The following CRAMP1 variants were observed in gnomAD, a reference collection of about 807,000 sequenced individuals.
CRAMP1 encodes cramped chromatin regulator 1, also known as protein cramped-like.
A neutral mutation model predicts 115.4 loss-of-function variants in CRAMP1; 50 were observed. That is an observed-to-expected ratio of 0.43 (90% CI 0.35 to 0.55). The LOEUF (loss-of-function observed/expected upper bound fraction) is 0.55. CRAMP1 is among the 20% of genes least tolerant of loss of function. The pLI is 0.01. For missense variants in CRAMP1, 1,679 were observed against 1,721.7 expected, an observed-to-expected ratio of 0.98 and a Z score of 0.44; for synonymous variants, 866 against 745.4, an observed-to-expected ratio of 1.16 and a Z score of -2.64.
chr16:1,615,073 AC>A, intron 2 of CRAMP1, 88 bp downstream of exon 2: 1 of 743,774 alleles, frequency 1.3e-6, no homozygotes, highest in Non-Finnish European at 1.8e-6. Flanking sequence ...GCCGGGCTCC[AC>A]CCTAGCTCAC....
intron 17 of CRAMP1, 27 bp from the exon 18 acceptor site, chr16:1,667,935 G>C: frequency 6.9e-7 from 1 of 1,454,750 alleles, no homozygotes; most frequent in East Asian, 2.4e-5. Context: ...ACCTGGTTGT[G>C]TCTGAAAAAT....
chr16:1,668,120 G>T lies in CRAMP1; in HGVS notation c.3261G>T (p.Ala1087=). The T allele has an allele frequency of 6.2e-7, 1 of 1,613,510 alleles. No individual in the cohort carries two copies. Among genetic ancestry groups the T allele is most frequent in the Non-Finnish European group, 8.5e-7 (1 of 1,179,884 alleles). The change falls in exon 18 of 21, where the codon GCG becomes GCT. Residue 1087 remains alanine, a synonymous_variant. Transcript: ENST00000397412. The part of the protein sequence containing the change: ...DISLPGPPED[A]LSQGEPATHI... ...CCCTGCCCGGCCCACCTGAGGATGC[G>T]CTGTCACAGGGCGAGCCTGCCACAC...
At position 1,656,600 on chromosome 16, in the gene CRAMP1, C is replaced by G. The variant is rs2036777497; in HGVS notation, c.1843C>G (p.Pro615Ala). Residue 615 changes from proline (P) to alanine (A), a missense_variant, in exon 10 of 21, where the codon CCA (proline) becomes GCA (alanine). This residue lies in a region of CRAMP1 where 405 missense variants were observed against 302.6 expected (regional missense o/e 1.34). Transcript: ENST00000397412. The surrounding 1 kb of genome is among the most constrained non-coding windows in gnomAD (Gnocchi z 5.6). ...GGCTGCTGACCTTGCTCCCACTGGC[C>G]CATCCCCGAGGCCCGGCCCCGGGCT... The part of the protein sequence containing the change: ...KEAADLAPTG[P>A]SPRPGPGLLL... 1 of 1,570,852 alleles carries G rather than the reference C, an allele frequency of 6.4e-7. No homozygotes were observed. The highest frequency in any genetic ancestry group is 1.9e-5 in the Admixed American group (1 of 53,780).
intron 18 of CRAMP1, 73 bp downstream of exon 18, chr16:1,668,266 TC>T: frequency 5.4e-6 from 6 of 1,104,016 alleles, no homozygotes; most frequent in Non-Finnish European, 8.2e-6. Context: ...TTGCCACACT[TC>T]CTGGGGATAT....
intron 6 of CRAMP1, among the ~76,000 whole-genome samples, chr16:1,649,217 C>T (rs1329997898): frequency 6.6e-6 from 1 of 152,120 alleles, no homozygotes; most frequent in East Asian, 1.9e-4. Flanking sequence ...TCAGGCTTTC[C>T]AAGGCTCAGC....
In CRAMP1 at chr16:1,666,344, G is replaced by A; in HGVS notation, c.2858-78G>A. ...CATTGACATGAGGTGCGAGGGAGAA[G>A]CTGTTCCCCGAGCCCTCTTGGGACA... On this transcript the variant is annotated intron_variant, in intron 15 of 20. Transcript: ENST00000397412. The surrounding 1 kb of genome is among the most constrained non-coding windows in gnomAD (Gnocchi z 5.0). The A allele has an allele frequency of 7.1e-7, 1 of 1,409,952 alleles. No individual in the cohort carries two copies. Among genetic ancestry groups the A allele is most frequent in the Admixed American group, 2.0e-5 (1 of 50,130 alleles). 87.3% of individuals were successfully genotyped at this position (1,409,952 alleles called of 1,614,324 possible). A position where few individuals can be genotyped will look rare whatever the true frequency, so the allele number is the denominator to read the frequency against.
intron 10 of CRAMP1, among the ~76,000 whole-genome samples, chr16:1,658,856 A>G (rs2036798937): frequency 1.3e-5 from 2 of 152,082 alleles, no homozygotes; most frequent in African/African-American, 4.8e-5. Context: ...CTTAGTCCAT[A>G]GGGAGGTTGC....
intron 4 of CRAMP1, among the ~76,000 whole-genome samples, chr16:1,632,639 G>T (rs765944355): frequency 6.6e-6 from 1 of 152,258 alleles, no homozygotes; most frequent in African/African-American, 2.4e-5. Flanking sequence ...GGCTCTGAGT[G>T]TGCGTGAGTT....
Position 1,614,496 on chromosome 16 carries a change from C to A in CRAMP1, c.-1-143C>A. On this transcript the variant is annotated intron_variant, in intron 1 of 20. Coordinates refer to ENST00000397412, the MANE Select transcript of CRAMP1 (RefSeq NM_020825.4). The surrounding 1 kb of genome is among the most constrained non-coding windows in gnomAD (Gnocchi z 4.4). ...GGGGCGGCAGGGGCCGCGGCGGGCT[C>A]GGGCGGGCTCGGGCGGGCCGGGCCG... 3.9e-6 allele frequency: 1 copy of A among 255,042 alleles called. No individual in the cohort carries two copies. The highest frequency in any genetic ancestry group is 6.1e-6 in the Non-Finnish European group (1 of 162,698). 15.8% of individuals were successfully genotyped at this position (255,042 alleles called of 1,614,324 possible).
chr16:1,652,956 G>GT (rs1567456860), intron 7 of CRAMP1, 77 bp from the exon 8 acceptor site: 1 of 1,570,076 alleles, frequency 6.4e-7, no homozygotes, highest in Non-Finnish European at 8.7e-7. Flanking sequence ...GATTTCACTG[G>GT]TTTTTCTGGC....
chr16:1,620,073 G>A (rs1035290639), intron 2 of CRAMP1, among the ~76,000 whole-genome samples: 6 of 152,122 alleles, frequency 3.9e-5, no homozygotes, highest in Admixed American at 6.5e-5. Context: ...CCTTGCCTGC[G>A]GCTTGGCTTG....
At chr16:1,658,649 A>AC (rs1298440585) in intron 10 of CRAMP1, among the ~76,000 whole-genome samples, 3 of 151,726 alleles carry the variant, frequency 2.0e-5, no homozygotes, top group Non-Finnish European at 4.4e-5. Flanking sequence ...TGTGACAAGC[A>AC]CCCCAAAAGG....
At chr16:1,654,631 C>G (rs2036753656) in intron 8 of CRAMP1, among the ~76,000 whole-genome samples, 1 of 152,190 alleles carries the variant, frequency 6.6e-6, no homozygotes, top group Non-Finnish European at 1.5e-5. Flanking sequence ...CCCTGTGCAC[C>G]TCAGCACTCA....
chr16:1,664,465 C>A (rs2036857363), intron 13 of CRAMP1, among the ~76,000 whole-genome samples: 1 of 152,142 alleles, frequency 6.6e-6, no homozygotes, highest in Admixed American at 6.5e-5. Context: ...CCAGTCAAAT[C>A]CAGAAGAAAG....
intron 5 of CRAMP1, among the ~76,000 whole-genome samples, chr16:1,640,549 C>G (rs2036623361): frequency 6.6e-6 from 1 of 152,218 alleles, no homozygotes; most frequent in Non-Finnish European, 1.5e-5. Flanking sequence ...CCTAGTCTCT[C>G]CCGTTAACGT....
chr16:1,672,970 G>A lies in CRAMP1; in HGVS notation c.3646-911G>A, dbSNP rs116034775. On this transcript the variant is annotated intron_variant, in intron 20 of 20. Coordinates refer to ENST00000397412, the MANE Select transcript of CRAMP1 (RefSeq NM_020825.4). The surrounding 1 kb of genome is among the most constrained non-coding windows in gnomAD (Gnocchi z 4.9). ...TTAAAAAGGAACGTACTCCCCATGT[G>A]TCCTCATGTCTCTGACGGGAACGTG... Among the ~76,000 whole-genome samples, 494 of 152,346 alleles carry A rather than the reference G, an allele frequency of 3.2e-3. 1 individual carries two copies. The highest frequency in any genetic ancestry group is 0.011 in the African/African-American group (475 of 41,576).
At chr16:1,644,561 G>A (rs910061327) in intron 6 of CRAMP1, among the ~76,000 whole-genome samples, 1 of 152,196 alleles carries the variant, frequency 6.6e-6, no homozygotes, top group African/African-American at 2.4e-5. Flanking sequence ...GCAACTGGCA[G>A]GAAGGGAACC....
intron 2 of CRAMP1, among the ~76,000 whole-genome samples, chr16:1,620,094 C>T (rs2036453602): frequency 6.6e-6 from 1 of 152,108 alleles, no homozygotes; most frequent in East Asian, 1.9e-4. Context: ...CTTGAAGGGT[C>T]CCCCCATGTG....
intron 6 of CRAMP1, among the ~76,000 whole-genome samples, chr16:1,647,666 C>T (rs911935701): frequency 9.3e-5 from 14 of 150,456 alleles, no homozygotes; most frequent in Non-Finnish European, 1.2e-4. Flanking sequence ...CGCCTAAGGC[C>T]CTGGATTGGG....
Sources: allele counts gnomAD v4.1 joint callset (sites outside exome capture counted in the v4.1 genomes callset), GRCh38; gene constraint gnomAD v4.1.1; regional missense constraint gnomAD v4.1.1; non-coding constraint Gnocchi (gnomAD v3.1); transcripts MANE v1.5; gene names NCBI Gene and HGNC (gene_info 2026-07-23, HGNC 2026-07-21).